MYH14: variants seen among roughly 807,000 people sequenced by gnomAD.
MYH14 encodes myosin-14.
In MYH14, 123 loss-of-function variants were observed where a neutral mutation model predicts 255.5. The ratio of observed to expected loss-of-function variants is 0.48; its 90% CI spans 0.42 to 0.56. The LOEUF (loss-of-function observed/expected upper bound fraction) is 0.56. MYH14 is among the 20% of genes least tolerant of loss of function. The pLI is 0.00. For synonymous variants in MYH14, 1,095 were observed against 1,161.2 expected, an observed-to-expected ratio of 0.94 and a Z score of 1.16; for missense variants, 2,423 against 2,802.3, an observed-to-expected ratio of 0.86 and a Z score of 3.06.
At chr19:50,262,287 G>T (rs2034912753) in intron 21 of MYH14, among the ~76,000 whole-genome samples, 1 of 152,202 alleles carries the variant, frequency 6.6e-6, no homozygotes, top group Admixed American at 6.5e-5. Context: ...GCCGGGCACG[G>T]TGGCTCACAC....
At chr19:50,246,081 TCC>T (rs753887670) in intron 11 of MYH14, among the ~76,000 whole-genome samples, 5,532 of 101,866 alleles carry the variant, frequency 0.054, 273 homozygotes, top group Admixed American at 0.13. Flanking sequence ...CTACTGGGAT[TCC>T]CCCCCTCCCT....
intron 10 of MYH14, among the ~76,000 whole-genome samples, chr19:50,235,014 G>A (rs780265067): frequency 1.1e-4 from 17 of 152,064 alleles, no homozygotes; most frequent in Non-Finnish European, 2.5e-4. Context: ...TAACCCCACA[G>A]CTGATGTTCA....
chr19:50,272,743 G>A lies in MYH14; in HGVS notation c.3467+12G>A. ...GCTGCCCTGGCCAGGTGCAGGGTGG[G>A]GTGGGCTTGGTGGGGTAAGCAGCAT... On this transcript the variant is annotated intron_variant, in intron 27 of 42. Transcript: ENST00000642316. 1 of 1,549,094 alleles carries A rather than the reference G, an allele frequency of 6.5e-7. No individual in the cohort carries two copies. The highest frequency in any genetic ancestry group is 8.7e-7 in the Non-Finnish European group (1 of 1,146,750).
chr19:50,295,096 C>A lies in MYH14; in HGVS notation c.5469+1409C>A, dbSNP rs10401179. Among the ~76,000 whole-genome samples the A allele has an allele frequency of 8.8e-3, 1,308 of 149,480 alleles. 18 individuals are homozygous for A. Among genetic ancestry groups the A allele is most frequent in the African/African-American group, 0.031 (1,240 of 40,342 alleles). ...ATCCCAGAACTTTGGGAGGCCGAGG[C>A]GGGCAGATCACGAGGTCAGGAGATC... On this transcript the variant is annotated intron_variant, in intron 39 of 42. Transcript: ENST00000642316.
rs1568517184 is a variant in MYH14, at chr19:50,266,154, G to A, written c.2695-723G>A. On this transcript the variant is annotated intron_variant, in intron 22 of 42. Transcript: ENST00000642316. The surrounding 1 kb of genome is among the most constrained non-coding windows in gnomAD (Gnocchi z 4.1). ...GCAGATCTCACTTAGCAAGGGCGAC[G>A]AGGTTTTGTGAAATTTTTGTTTCAG... 6.6e-6 allele frequency among the ~76,000 whole-genome samples: 1 copy of A among 152,198 alleles called. No individual in the cohort carries two copies. Among genetic ancestry groups the A allele is most frequent in the African/African-American group, 2.4e-5 (1 of 41,450 alleles).
chr19:50,249,558 A>ATCTCTGTCCCCTGCCTCTGGG, intron 13 of MYH14, 92 bp from the exon 14 acceptor site: 1 of 703,082 alleles, frequency 1.4e-6, no homozygotes, highest in Non-Finnish European at 2.4e-6. Flanking sequence ...CTCTCGATGC[A>ATCTCTGTCCCCTGCCTCTGGG]TCTCTGTCCC....
rs1448908221 is a variant in MYH14 at position 50,255,229 on chromosome 19, G to T, written c.1955G>T (p.Gly652Val). The T allele has an allele frequency of 1.9e-6, 3 of 1,550,998 alleles. No homozygotes were observed. The highest frequency in any genetic ancestry group is 1.2e-5 in the South Asian group (1 of 84,040). Residue 652 changes from glycine to valine, a missense_variant, in exon 17 of 43, where the codon GGC becomes GTC. By Grantham distance (109) the Gly-to-Val change is moderately radical. This residue lies in a region of MYH14 where 672 missense variants were observed against 881.8 expected (regional missense o/e 0.76). Coordinates refer to ENST00000642316, the MANE Select transcript of MYH14 (RefSeq NM_001145809.2). ...TAEIWKDEHG[G>V]FQQFSFLGSF... ...TGTCCTCACTCCCCAGAACATGGGG[G>T]CTTCCAGCAGTTCTCTTTCCTTGGC...
Position 50,244,298 on chromosome 19 carries a change from G to C in MYH14, c.1171G>C (p.Glu391Gln), listed in dbSNP as rs1388348740. 1 of 1,613,652 alleles carries C rather than the reference G, an allele frequency of 6.2e-7. No individual in the cohort carries two copies. The highest frequency in any genetic ancestry group is 1.1e-5 in the South Asian group (1 of 91,078). ...LQFGNIALKR[E>Q]RNTDQATMPD... ...GTTTGGCAACATTGCCTTGAAGAGA[G>C]AACGGAACACCGATCAAGCCACCAT... Residue 391 changes from glutamate to glutamine, a missense_variant, in exon 11 of 43, where the codon GAA (glutamate) becomes CAA (glutamine). By Grantham distance (29) the Glu-to-Gln change is conservative. Coordinates refer to ENST00000642316, the MANE Select transcript of MYH14 (RefSeq NM_001145809.2).
At position 50,290,963 on chromosome 19, in the gene MYH14, A is replaced by G. The variant is rs1206556550; in HGVS notation, c.5042A>G (p.Glu1681Gly). ...GCCGTGGCTGCCCGCAAGAAGCTGG[A>G]GGGAGAGCTGGAGGAGCTGAAGGCT... ...TLAVAARKKL[E>G]GELEELKAQM... Residue 1681 changes from glutamate (E) to glycine (G), a missense_variant, in exon 36 of 43, where the codon GAG (glutamate) becomes GGG (glycine). By Grantham distance (98) the Glu-to-Gly change is moderately conservative. Around this residue, in one of 3 missense-constraint regions of MYH14, gnomAD observed 1,513 missense variants for 1,674.8 expected, o/e 0.90. Transcript: ENST00000642316. The G allele has an allele frequency of 8.7e-6, 14 of 1,605,506 alleles. No homozygotes were observed. The highest frequency in any genetic ancestry group is 1.2e-5 in the Non-Finnish European group (14 of 1,176,694).
rs1269891178 is a variant in MYH14, at chr19:50,276,683, A to G, written c.3681-74A>G. On this transcript the variant is annotated intron_variant, in intron 28 of 42. Coordinates refer to ENST00000642316, the MANE Select transcript of MYH14 (RefSeq NM_001145809.2). The surrounding 1 kb of genome is among the most constrained non-coding windows in gnomAD (Gnocchi z 4.3). ...TTTTAAGGAAACATGAAAAGGAGAA[A>G]CAACCAGCTCCCCCAAAGCCCCTGC... 1 of 1,595,194 alleles carries G rather than the reference A, an allele frequency of 6.3e-7. No individual in the cohort carries two copies. Among genetic ancestry groups the G allele is most frequent in the East Asian group, 2.2e-5 (1 of 44,808 alleles).
chr19:50,246,637 A>AAAACAAAAC (rs59828821), intron 11 of MYH14, among the ~76,000 whole-genome samples: 118,232 of 150,646 alleles, frequency 0.78, 47,065 homozygotes, highest in Admixed American at 0.84. Context: ...AAAACAAAAC[A>AAAACAAAAC]AAACAAACAA....
intron 39 of MYH14, among the ~76,000 whole-genome samples, chr19:50,296,451 A>G (rs1482547151): frequency 2.0e-5 from 3 of 152,110 alleles, no homozygotes; most frequent in Non-Finnish European, 4.4e-5. Context: ...CTACAAAAAA[A>G]AAAATTAGCC....
intron 39 of MYH14, among the ~76,000 whole-genome samples, chr19:50,294,545 C>G (rs570970059): frequency 1.3e-5 from 2 of 150,882 alleles, no homozygotes; most frequent in South Asian, 4.2e-4. Context: ...AGCGATTCTC[C>G]TGATTCTCCA....
At chr19:50,211,875 T>G (rs1187078392) in intron 2 of MYH14, among the ~76,000 whole-genome samples, 1 of 151,312 alleles carries the variant, frequency 6.6e-6, no homozygotes, top group African/African-American at 2.4e-5. Flanking sequence ...GTAGTCCCAG[T>G]TACTTGGGAG....
intron 29 of MYH14, among the ~76,000 whole-genome samples, 169 bp from the exon 30 acceptor site, chr19:50,277,914 T>C (rs1415157490): frequency 1.4e-5 from 2 of 147,326 alleles, no homozygotes; most frequent in Non-Finnish European, 3.0e-5. Flanking sequence ...TGAAGCACTG[T>C]CTCAAAAAAA....
intron 2 of MYH14, among the ~76,000 whole-genome samples, chr19:50,217,017 G>T (rs1415736280): frequency 6.6e-6 from 1 of 151,882 alleles, no homozygotes; most frequent in Non-Finnish European, 1.5e-5. Context: ...CACCATGCTG[G>T]CCAGGCTGGG....
intron 10 of MYH14, among the ~76,000 whole-genome samples, chr19:50,232,552 C>G (rs2033451156): frequency 6.8e-6 from 1 of 147,066 alleles, no homozygotes; most frequent in African/African-American, 2.5e-5. Flanking sequence ...TGAGATCGCA[C>G]CACTGCACTG....
Position 50,230,413 on chromosome 19 carries a change from C to T in MYH14, c.875-112C>T. 1 of 942,770 alleles carries T rather than the reference C, an allele frequency of 1.1e-6. No homozygotes were observed. Among genetic ancestry groups the T allele is most frequent in the Non-Finnish European group, 1.7e-6 (1 of 601,762 alleles). 58.4% of individuals were successfully genotyped at this position (942,770 alleles called of 1,614,324 possible). A position where few individuals can be genotyped will look rare whatever the true frequency, so the allele number is the denominator to read the frequency against. On this transcript the variant is annotated intron_variant, in intron 8 of 42. Transcript: ENST00000642316. This position sits in a 1 kb window ranked among gnomAD's most constrained non-coding sequence, Gnocchi z 4.7. ...TCACCAGCCTGGGCTGTGAGCGACT[C>T]CACTACACCACAGGAGAGAAGGGGG... is the stretch of plus-strand genomic sequence containing the variant.
intron 39 of MYH14, among the ~76,000 whole-genome samples, chr19:50,297,412 T>C (rs1446855490): frequency 6.6e-6 from 1 of 151,786 alleles, no homozygotes; most frequent in Non-Finnish European, 1.5e-5. Flanking sequence ...TGTTTCTTCA[T>C]CTGTAGATGT....
Sources: allele counts gnomAD v4.1 joint callset (sites outside exome capture counted in the v4.1 genomes callset), GRCh38; gene constraint gnomAD v4.1.1; regional missense constraint gnomAD v4.1.1; non-coding constraint Gnocchi (gnomAD v3.1); transcripts MANE v1.5; gene names NCBI Gene and HGNC (gene_info 2026-07-23, HGNC 2026-07-21).